Variants in TMEM123 observed in about 807,000 individuals in gnomAD.
The protein encoded by TMEM123 is transmembrane protein 123.
TMEM123 carries 16 observed loss-of-function variants against 19.7 expected under a neutral mutation model. That is an observed-to-expected ratio of 0.81 (90% CI 0.55 to 1.23). The LOEUF is 1.23. TMEM123 is among the 50% of genes most tolerant of loss of function. The probability of loss-of-function intolerance (pLI) is 0.00; values close to 1 mark genes in which losing one functional copy is unlikely to be tolerated. For synonymous variants in TMEM123, 118 were observed against 99.4 expected (o/e 1.19, Z -1.12); for missense variants, 313 against 257.8 (o/e 1.21, Z -1.47).
chr11:102,398,584 C>A lies in TMEM123; in HGVS notation c.*283G>T. 2.0e-6 allele frequency: 1 copy of A among 506,570 alleles called. No homozygotes were observed. The highest frequency in any genetic ancestry group is 3.4e-6 in the Non-Finnish European group (1 of 294,714). The allele number at this position is 506,570 out of a possible 1,614,324, so 31.4% of individuals were successfully genotyped here. On this transcript the variant is annotated 3_prime_UTR_variant, in exon 5 of 5. Transcript: ENST00000398136. ...ATTACTGGTCATATGTGACCAATGC[C>A]CCCACCCCAGCCAAAAAAAAAAAGA...
At chr11:102,440,728 G>A (rs905665716) in intron 2 of TMEM123, among the ~76,000 whole-genome samples, 2 of 152,158 alleles carry the variant, frequency 1.3e-5, no homozygotes, top group African/African-American at 4.8e-5. Context: ...TGGGGTAAAT[G>A]CTCCAATTAA....
At position 102,452,538 on chromosome 11, in the gene TMEM123, C is replaced by A; in HGVS notation, c.86G>T (p.Ser29Ile). Residue 29 changes from serine to isoleucine, a missense_variant, in exon 1 of 5, where the codon AGC (serine) becomes ATC (isoleucine). Physicochemically the swap from Ser to Ile is moderately radical, Grantham distance 142 (BLOSUM62 -2). Coordinates refer to ENST00000398136, the MANE Select transcript of TMEM123 (RefSeq NM_052932.3). ...CAGCCACTTACCCGCCATGGCTGCGCTTTCATGGGCGGCCCCCAGCAGCGC... is the reference window on the plus strand; with the variant it reads ...CAGCCACTTACCCGCCATGGCTGCGATTTCATGGGCGGCCCCCAGCAGCGC... ...VLALLGAAHESAAMAASANIE... is the reference protein window; with the variant it reads ...VLALLGAAHEIAAMAASANIE... The A allele has an allele frequency of 6.4e-7, 1 of 1,557,184 alleles. No individual in the cohort carries two copies. The highest frequency in any genetic ancestry group is 8.7e-7 in the Non-Finnish European group (1 of 1,155,620).
At chr11:102,421,528 A>C (rs1952087045) in intron 2 of TMEM123, among the ~76,000 whole-genome samples, 1 of 152,152 alleles carries the variant, frequency 6.6e-6, no homozygotes, top group Admixed American at 6.5e-5. Context: ...GCAAAAAAAA[A>C]AACTGTCTGC....
intron 2 of TMEM123, among the ~76,000 whole-genome samples, chr11:102,406,232 A>G (rs1231325481): frequency 2.0e-5 from 3 of 152,184 alleles, no homozygotes; most frequent in Non-Finnish European, 4.4e-5. Flanking sequence ...TCTGAGGCGC[A>G]TATGTTGCTG....
chr11:102,399,705 C>T (rs777709016), intron 4 of TMEM123, among the ~76,000 whole-genome samples: 3 of 152,184 alleles, frequency 2.0e-5, no homozygotes, highest in Non-Finnish European at 4.4e-5. Flanking sequence ...TATGGTGGCT[C>T]ACGCCTGTAA....
intron 4 of TMEM123, among the ~76,000 whole-genome samples, chr11:102,400,660 T>G (rs1210675338): frequency 6.6e-6 from 1 of 152,160 alleles, no homozygotes; most frequent in Non-Finnish European, 1.5e-5. Flanking sequence ...GGGAAGGTAG[T>G]TAGGTCGTGA....
chr11:102,405,126 G>C (rs932050402), intron 2 of TMEM123, among the ~76,000 whole-genome samples: 1 of 150,802 alleles, frequency 6.6e-6, no homozygotes, highest in African/African-American at 2.4e-5. Context: ...TCAGCTCATT[G>C]CAAGCTCCGC....
rs1005368263 is a variant in TMEM123 at position 102,398,228 on chromosome 11, T to A, written c.*639A>T. ...GAAGTTAATAAAAATATGTGCTCCT[T>A]AATGCTCCAATGGATCCCTAACAGG... On this transcript the variant is annotated 3_prime_UTR_variant, in exon 5 of 5. Transcript: ENST00000398136. The A allele has an allele frequency of 1.0e-5, 2 of 193,874 alleles. No individual in the cohort carries two copies. Among genetic ancestry groups the A allele is most frequent in the African/African-American group, 4.6e-5 (2 of 43,442 alleles). 12.0% of individuals were successfully genotyped at this position (193,874 alleles called of 1,614,324 possible).
intron 2 of TMEM123, among the ~76,000 whole-genome samples, chr11:102,433,511 T>A (rs958332172): frequency 6.6e-6 from 1 of 151,934 alleles, no homozygotes; most frequent in African/African-American, 2.4e-5. Context: ...AACTTGCTTT[T>A]GATTTTACAG....
chr11:102,416,618 TAA>T (rs1952045319), intron 2 of TMEM123, among the ~76,000 whole-genome samples: 1 of 151,910 alleles, frequency 6.6e-6, no homozygotes, highest in Admixed American at 6.6e-5. Flanking sequence ...TCCAAAAAAT[TAA>T]GAAGAGATTC....
intron 2 of TMEM123, among the ~76,000 whole-genome samples, chr11:102,426,871 C>CG (rs1402959382): frequency 1.1e-5 from 1 of 94,852 alleles, no homozygotes; most frequent in Non-Finnish European, 2.2e-5. Context: ...CCCCCCCCCC[C>CG]CCATTTATTG....
chr11:102,428,611 C>CA (rs950345000), intron 2 of TMEM123, among the ~76,000 whole-genome samples: 190 of 142,078 alleles, frequency 1.3e-3, no homozygotes, highest in Middle Eastern at 3.6e-3. Flanking sequence ...CCGGCCCCCC[C>CA]AAAAAAAAAA....
intron 2 of TMEM123, among the ~76,000 whole-genome samples, chr11:102,410,880 C>G (rs1228631687): frequency 6.6e-6 from 1 of 152,198 alleles, no homozygotes; most frequent in South Asian, 2.1e-4. Flanking sequence ...CCTCCTCAGG[C>G]AATTTCCTTT....
chr11:102,405,539 CTTTTA>C (rs1459690797), intron 2 of TMEM123, among the ~76,000 whole-genome samples: 1 of 152,058 alleles, frequency 6.6e-6, no homozygotes, highest in Admixed American at 6.6e-5. Flanking sequence ...AAATAATCAC[CTTTTA>C]TTTAAAAATG....
chr11:102,398,508 C>A lies in TMEM123; in HGVS notation c.*359G>T, dbSNP rs1951879981. Reference sequence around the variant, plus strand: ...AAATCCTGAGTGCTGTGACAAACTTCTTATTTGTATGCCCAGATGGCATTC... The same window carrying A: ...AAATCCTGAGTGCTGTGACAAACTTATTATTTGTATGCCCAGATGGCATTC... On this transcript the variant is annotated 3_prime_UTR_variant, in exon 5 of 5. Transcript: ENST00000398136. The A allele has an allele frequency of 2.4e-6, 1 of 415,314 alleles. No individual in the cohort carries two copies. The highest frequency in any genetic ancestry group is 4.4e-5 in the Admixed American group (1 of 22,594). 25.7% of individuals were successfully genotyped at this position (415,314 alleles called of 1,614,324 possible).
intron 4 of TMEM123, among the ~76,000 whole-genome samples, chr11:102,400,243 G>T (rs1951900654): frequency 6.6e-6 from 1 of 152,180 alleles, no homozygotes; most frequent in Admixed American, 6.5e-5. Context: ...AGTTCCAAGA[G>T]ATAGACAGTG....
intron 2 of TMEM123, among the ~76,000 whole-genome samples, chr11:102,412,249 T>C (rs961437122): frequency 1.6e-4 from 24 of 152,232 alleles, no homozygotes; most frequent in African/African-American, 5.1e-4. Context: ...TGACCCAACA[T>C]GGTGAAACCC....
chr11:102,449,250 T>A (rs1400558259), intron 1 of TMEM123: 1 of 182,226 alleles, frequency 5.5e-6, no homozygotes, highest in East Asian at 1.3e-4. Flanking sequence ...AGGCCGATTC[T>A]ACTCACAGGC....
chr11:102,410,069 A>C (rs1434108920), intron 2 of TMEM123, among the ~76,000 whole-genome samples: 1 of 152,246 alleles, frequency 6.6e-6, no homozygotes, highest in Non-Finnish European at 1.5e-5. Flanking sequence ...ACAACTAGGG[A>C]TTCCAATAAG....
Sources: allele counts gnomAD v4.1 joint callset (sites outside exome capture counted in the v4.1 genomes callset), GRCh38; gene constraint gnomAD v4.1.1; transcripts MANE v1.5; gene names NCBI Gene and HGNC (gene_info 2026-07-23, HGNC 2026-07-21).